BUB1: variants seen among roughly 807,000 people sequenced by gnomAD.
The protein encoded by BUB1 is BUB1 mitotic checkpoint serine/threonine kinase, also known as mitotic checkpoint serine/threonine-protein kinase BUB1.
BUB1 carries 84 observed loss-of-function variants against 135.2 expected under a neutral mutation model. The ratio of observed to expected loss-of-function variants is 0.62; its 90% CI spans 0.52 to 0.74. The LOEUF (loss-of-function observed/expected upper bound fraction) is 0.74, where lower values mean the gene tolerates loss of function less well. BUB1 is among the 30% of genes least tolerant of loss of function. The pLI, the probability that BUB1 is intolerant of heterozygous loss-of-function variation, is 0.00. For missense variants in BUB1, 1,162 were observed against 1,288.3 expected, an observed-to-expected ratio of 0.90 and a Z score of 1.50; for synonymous variants, 403 against 434.4, an observed-to-expected ratio of 0.93 and a Z score of 0.90.
At chr2:110,665,571 TTGTG>T (rs34442113) in intron 9 of BUB1, among the ~76,000 whole-genome samples, 5,173 of 141,102 alleles carry the variant, frequency 0.037, 247 homozygotes, top group African/African-American at 0.11. Flanking sequence ...AAAAGAATGT[TTGTG>T]TGTGTGTGTG....
intron 4 of BUB1, among the ~76,000 whole-genome samples, chr2:110,671,438 ATG>A (rs1213422468): frequency 1.3e-5 from 2 of 152,110 alleles, no homozygotes; most frequent in East Asian, 3.8e-4. Context: ...TTTCTTTTTT[ATG>A]TGTGTTTGAA....
At chr2:110,654,876 C>T (rs754295941) in intron 16 of BUB1, among the ~76,000 whole-genome samples, 3 of 152,112 alleles carry the variant, frequency 2.0e-5, no homozygotes, top group Non-Finnish European at 1.5e-5. Flanking sequence ...TAAACAATTG[C>T]TATATTTTAA....
intron 1 of BUB1, 50 bp downstream of exon 1, chr2:110,677,920 C>A: frequency 6.3e-7 from 1 of 1,585,322 alleles, no homozygotes; most frequent in East Asian, 2.3e-5. Context: ...GCCCGAACCC[C>A]AGGCGCCCCA....
chr2:110,651,858 A>G (rs1399665952), intron 17 of BUB1, among the ~76,000 whole-genome samples: 1 of 152,162 alleles, frequency 6.6e-6, no homozygotes, highest in African/African-American at 2.4e-5. Flanking sequence ...CATGCTGTAC[A>G]TGTTTTTAGC....
At chr2:110,670,974 G>C (rs1690403992) in intron 4 of BUB1, among the ~76,000 whole-genome samples, 1 of 152,180 alleles carries the variant, frequency 6.6e-6, no homozygotes, top group Non-Finnish European at 1.5e-5. Context: ...TTAGATTACT[G>C]CTTCAAAAGG....
intron 4 of BUB1, among the ~76,000 whole-genome samples, chr2:110,672,174 C>G (rs1278103554): frequency 6.6e-6 from 1 of 152,078 alleles, no homozygotes; most frequent in African/African-American, 2.4e-5. Flanking sequence ...TTGCAGTGAG[C>G]TGAGATTACA....
intron 19 of BUB1, among the ~76,000 whole-genome samples, chr2:110,647,405 A>G (rs1689670139): frequency 6.6e-6 from 1 of 152,250 alleles, no homozygotes; most frequent in South Asian, 2.1e-4. Context: ...AGTGCAATTT[A>G]TCCCAGGTAT....
intron 8 of BUB1, among the ~76,000 whole-genome samples, chr2:110,667,142 C>T (rs990012710): frequency 1.3e-5 from 2 of 152,172 alleles, no homozygotes; most frequent in Admixed American, 6.5e-5. Flanking sequence ...TTACTATATA[C>T]AGATAATACT....
chr2:110,676,200 A>G (rs1012429556), intron 1 of BUB1, among the ~76,000 whole-genome samples: 1 of 152,248 alleles, frequency 6.6e-6, no homozygotes, highest in Admixed American at 6.5e-5. Context: ...TTTTTTTTTA[A>G]TGAGCAAAGG....
rs771429383 is a variant in BUB1, at chr2:110,637,991, G to A, written c.3231C>T (p.Leu1077=). The A allele has an allele frequency of 1.3e-6, 2 of 1,549,230 alleles. No homozygotes were observed. Among genetic ancestry groups the A allele is most frequent in the Admixed American group, 4.1e-5 (2 of 49,256 alleles). The change falls in exon 25 of 25, where the codon CTC becomes CTT. Residue 1077 remains leucine, a synonymous_variant. Transcript: ENST00000302759. The part of the protein sequence containing the change: ...RALRNRLIVL[L]LECKRSRK ...ATTTTCGTGAACGCTTACATTCTAAGAGCAGTACAATTAGCCTATTACGTA... is the reference window on the plus strand; with the variant it reads ...ATTTTCGTGAACGCTTACATTCTAAAAGCAGTACAATTAGCCTATTACGTA...
chr2:110,667,940 G>A, intron 6 of BUB1, 91 bp from the exon 7 acceptor site: 1 of 1,204,010 alleles, frequency 8.3e-7, no homozygotes, highest in Non-Finnish European at 1.2e-6. Context: ...AAATGCTTGA[G>A]GGGAAGAGGG....
At position 110,655,817 on chromosome 2, in the gene BUB1, A is replaced by C; in HGVS notation, c.1798T>G (p.Phe600Val). The C allele has an allele frequency of 6.2e-7, 1 of 1,614,076 alleles. No homozygotes were observed. The highest frequency in any genetic ancestry group is 8.5e-7 in the Non-Finnish European group (1 of 1,179,944). The change falls in exon 16 of 25, where the codon TTC becomes GTC. Residue 600 changes from phenylalanine to valine, a missense_variant. By Grantham distance (50) the Phe-to-Val change is conservative. Coordinates refer to ENST00000302759, the MANE Select transcript of BUB1 (RefSeq NM_004336.5). ...LAPSPKSPGD[F>V]TSAAQLASTP... ...GACGCAAGTTGTGCAGCAGATGTGA[A>C]GTCTCCTGGGCTCTTAGGACTGGGT... is the stretch of plus-strand genomic sequence containing the variant.
At position 110,641,623 on chromosome 2, in the gene BUB1, C is replaced by T. The variant is rs1314996739; in HGVS notation, c.2625+19G>A. 3.7e-6 allele frequency: 6 copies of T among 1,605,144 alleles called. No individual in the cohort carries two copies. The highest frequency in any genetic ancestry group is 1.3e-5 in the African/African-American group (1 of 74,554). On this transcript the variant is annotated intron_variant, in intron 21 of 24. Transcript: ENST00000302759. ...ATCCATTTTAAATTCATGTGCTCAT[C>T]ATAAAAATGAATACTTACTAATAAT...
chr2:110,654,723 A>G (rs903760516), intron 16 of BUB1, among the ~76,000 whole-genome samples: 1 of 152,006 alleles, frequency 6.6e-6, no homozygotes, highest in South Asian at 2.1e-4. Flanking sequence ...TAAGATTCAG[A>G]AAAGAAATTT....
chr2:110,657,776 C>A, intron 13 of BUB1, 131 bp from the exon 14 acceptor site: 1 of 626,462 alleles, frequency 1.6e-6, no homozygotes. Context: ...TTTTCAAATA[C>A]TAGGCAGTAA....
rs542159116 is a variant in BUB1, at chr2:110,641,560, C to T, written c.2625+82G>A. The T allele has an allele frequency of 4.6e-5, 72 of 1,555,972 alleles. 2 individuals are homozygous for T. In the South Asian group the frequency reaches 8.5e-4, roughly 18 times the overall value. On this transcript the variant is annotated intron_variant, in intron 21 of 24. Coordinates refer to ENST00000302759, the MANE Select transcript of BUB1 (RefSeq NM_004336.5). ...GCCCCTGCCCACCACTCCACAAAAG[C>T]CCCAACCACAAAAGTACGTGCAAGG... is the stretch of plus-strand genomic sequence containing the variant.
rs753111609 is a variant in BUB1 at position 110,650,758 on chromosome 2, T to C, written c.1991A>G (p.Gln664Arg). The C allele has an allele frequency of 1.2e-6, 2 of 1,614,052 alleles. No homozygotes were observed. The highest frequency in any genetic ancestry group is 1.1e-5 in the South Asian group (1 of 91,082). Residue 664 changes from glutamine to arginine, a missense_variant, in exon 18 of 25, where the codon CAG becomes CGG. Coordinates refer to ENST00000302759, the MANE Select transcript of BUB1 (RefSeq NM_004336.5). The part of the protein sequence containing the change: ...FSPIQEKSPK[Q>R]ALSSHMYSAS... Reference sequence around the variant, plus strand: ...TGAATACATGTGAGACGACAAGGCCTGTTTTGGGCTTTTCTCTTGAATTGG... The same window carrying C: ...TGAATACATGTGAGACGACAAGGCCCGTTTTGGGCTTTTCTCTTGAATTGG...
Position 110,648,626 on chromosome 2 carries a change from A to C in BUB1, c.2347+608T>G, listed in dbSNP as rs1009154330. Among the ~76,000 whole-genome samples, 1 of 152,228 alleles carries C rather than the reference A, an allele frequency of 6.6e-6. No homozygotes were observed. The highest frequency in any genetic ancestry group is 1.5e-5 in the Non-Finnish European group (1 of 68,044). On this transcript the variant is annotated intron_variant, in intron 19 of 24. Coordinates refer to ENST00000302759, the MANE Select transcript of BUB1 (RefSeq NM_004336.5). This position sits in a 1 kb window ranked among gnomAD's most constrained non-coding sequence, Gnocchi z 4.2. ...CTCATGCAAGATGTTAGTAACACGA[A>C]AATCTGTGTGTGTATATATGGGGAG...
At chr2:110,667,951 A>C in intron 6 of BUB1, 102 bp from the exon 7 acceptor site, 1 of 1,012,714 alleles carries the variant, frequency 9.9e-7, no homozygotes, top group Non-Finnish European at 1.5e-6. Flanking sequence ...GGGAAGAGGG[A>C]CCTTAATCCC....
Sources: allele counts gnomAD v4.1 joint callset (sites outside exome capture counted in the v4.1 genomes callset), GRCh38; gene constraint gnomAD v4.1.1; non-coding constraint Gnocchi (gnomAD v3.1); transcripts MANE v1.5; gene names NCBI Gene and HGNC (gene_info 2026-07-23, HGNC 2026-07-21).